SPATA13: variants seen among roughly 807,000 people sequenced by gnomAD.
SPATA13 encodes spermatogenesis-associated protein 13.
Under a neutral mutation model 104.0 loss-of-function variants are expected in SPATA13, and 50 were observed. The observed-to-expected ratio is 0.48, with a 90% CI of 0.38 to 0.61. The LOEUF (loss-of-function observed/expected upper bound fraction) is 0.61, where lower values mean the gene tolerates loss of function less well. SPATA13 is among the 20% of genes least tolerant of loss of function. SPATA13 has a pLI of 0.00. For missense variants in SPATA13, 1,524 were observed against 1,690.6 expected (o/e 0.90, Z 1.73); for synonymous variants, 606 against 667.5 (o/e 0.91, Z 1.42).
At chr13:24,109,731 G>A (rs9553179) in intron 3 of SPATA13, among the ~76,000 whole-genome samples, 101,483 of 151,726 alleles carry the variant, frequency 0.67, 34,324 homozygotes, top group East Asian at 0.8. Context: ...TTGCCCCCCA[G>A]ATTACATGGA....
At chr13:24,246,625 T>C (rs1473605107) in intron 2 of SPATA13, among the ~76,000 whole-genome samples, 1 of 152,150 alleles carries the variant, frequency 6.6e-6, no homozygotes, top group Non-Finnish European at 1.5e-5. Context: ...TTTGGGAAGC[T>C]GCAGTGGGTG....
chr13:24,099,202 A>G (rs1259892637), intron 3 of SPATA13, among the ~76,000 whole-genome samples: 1 of 152,228 alleles, frequency 6.6e-6, no homozygotes, highest in Admixed American at 6.5e-5. Flanking sequence ...GCATGCATTT[A>G]TCCTGCTTTA....
At chr13:24,134,696 G>A (rs1881500754) in intron 3 of SPATA13, among the ~76,000 whole-genome samples, 1 of 152,136 alleles carries the variant, frequency 6.6e-6, no homozygotes, top group East Asian at 1.9e-4. Flanking sequence ...GTGACCCACT[G>A]TTCCAGCCCT....
chr13:23,989,473 C>G (rs933885849), intron 2 of SPATA13, among the ~76,000 whole-genome samples: 8 of 151,536 alleles, frequency 5.3e-5, no homozygotes, highest in Non-Finnish European at 8.8e-5. Flanking sequence ...AATACATAAA[C>G]GTAAGTAGCT....
At chr13:24,020,926 C>T (rs2137699847) in intron 3 of SPATA13, among the ~76,000 whole-genome samples, 1 of 152,250 alleles carries the variant, frequency 6.6e-6, no homozygotes, top group Admixed American at 6.5e-5. Flanking sequence ...CCTATAATCC[C>T]AGCTACTCAG....
intron 2 of SPATA13, among the ~76,000 whole-genome samples, chr13:24,014,489 T>G (rs1876620564): frequency 6.6e-6 from 1 of 152,238 alleles, no homozygotes; most frequent in Non-Finnish European, 1.5e-5. Context: ...ACACATATTT[T>G]GCATGTTATA....
chr13:24,118,931 A>T (rs1387951899), intron 3 of SPATA13, among the ~76,000 whole-genome samples: 1 of 109,422 alleles, frequency 9.1e-6, no homozygotes, highest in Non-Finnish European at 2.1e-5. Flanking sequence ...TTTGAGATGG[A>T]GTCTTGTTCT....
At chr13:24,193,508 C>T (rs1047489911) in intron 1 of SPATA13, among the ~76,000 whole-genome samples, 1 of 152,022 alleles carries the variant, frequency 6.6e-6, no homozygotes, top group Non-Finnish European at 1.5e-5. Context: ...CACCTGGAGC[C>T]GAGAATGGGT....
chr13:24,153,164 G>A (rs1212218626), intron 3 of SPATA13, among the ~76,000 whole-genome samples: 9 of 152,264 alleles, frequency 5.9e-5, no homozygotes, highest in African/African-American at 1.7e-4. Context: ...TAAACATTAC[G>A]TCCACATACA....
chr13:24,306,655 A>C lies in SPATA13; in HGVS notation c.*3882A>C, dbSNP rs982393677. 5.9e-5 allele frequency: 9 copies of C among 152,264 alleles called. No homozygotes were observed. The highest frequency in any genetic ancestry group is 2.2e-4 in the African/African-American group (9 of 41,478). 9.4% of individuals were successfully genotyped at this position (152,264 alleles called of 1,614,324 possible). A position where few individuals can be genotyped will look rare whatever the true frequency, so the allele number is the denominator to read the frequency against. ...CTTGAAAAAAAAAGCAAAAGCTTAA[A>C]TATTTGATACAAGTTTACTTAGCTA... On this transcript the variant is annotated 3_prime_UTR_variant, in exon 13 of 13. Coordinates refer to ENST00000382108, the MANE Select transcript of SPATA13 (RefSeq NM_001166271.3).
chr13:24,141,821 C>T (rs1225575938), intron 3 of SPATA13, among the ~76,000 whole-genome samples: 1 of 152,106 alleles, frequency 6.6e-6, no homozygotes, highest in African/African-American at 2.4e-5. Flanking sequence ...TCATGCATCA[C>T]TTCAAGGGTA....
intron 3 of SPATA13, among the ~76,000 whole-genome samples, 183 bp downstream of exon 3, chr13:24,250,025 C>T (rs549852682): frequency 5.4e-4 from 82 of 152,310 alleles, no homozygotes; most frequent in African/African-American, 1.8e-3. Context: ...AACCACCTGA[C>T]GTTTGGATGC....
intron 1 of SPATA13, among the ~76,000 whole-genome samples, chr13:24,183,188 A>T (rs577165215): frequency 1.3e-5 from 2 of 152,332 alleles, no homozygotes; most frequent in African/African-American, 4.8e-5. Context: ...TTTTGTTTGC[A>T]TGTTGAGGTG....
intron 2 of SPATA13, among the ~76,000 whole-genome samples, chr13:24,006,872 T>C (rs2137680582): frequency 6.6e-6 from 1 of 152,332 alleles, no homozygotes; most frequent in African/African-American, 2.4e-5. Flanking sequence ...GGGGAGAGGA[T>C]GCCCCCGCTC....
chr13:24,035,539 G>T lies in SPATA13; in HGVS notation c.-112+17838G>T, dbSNP rs556213665. On this transcript the variant is annotated intron_variant, in intron 3 of 14. Transcript: ENST00000424834. ...AGGAGCTTTACAGGCCACAAGGACA[G>T]GTTGGTTTTCTGGGTTCCTGGGCAC... 5.3e-5 allele frequency among the ~76,000 whole-genome samples: 8 copies of T among 152,312 alleles called. No homozygotes were observed. In the South Asian group the frequency reaches 1.7e-3, roughly 32 times the overall value.
At chr13:24,126,961 C>T (rs948704979) in intron 3 of SPATA13, among the ~76,000 whole-genome samples, 2 of 152,094 alleles carry the variant, frequency 1.3e-5, no homozygotes, top group Non-Finnish European at 2.9e-5. Flanking sequence ...TGAAATCAAA[C>T]AAAAATGGGT....
intron 3 of SPATA13, among the ~76,000 whole-genome samples, chr13:24,089,309 C>G (rs1228232141): frequency 2.0e-5 from 3 of 152,092 alleles, no homozygotes; most frequent in Non-Finnish European, 4.4e-5. Context: ...TGCATGGGAC[C>G]CCCCCACACA....
At chr13:24,149,777 C>T (rs1015311789) in intron 3 of SPATA13, among the ~76,000 whole-genome samples, 1 of 152,176 alleles carries the variant, frequency 6.6e-6, no homozygotes, top group South Asian at 2.1e-4. Flanking sequence ...TGGAGAGCTG[C>T]GGGTCAGGTT....
At chr13:24,068,160 C>A (rs1389023011) in intron 3 of SPATA13, among the ~76,000 whole-genome samples, 1 of 152,088 alleles carries the variant, frequency 6.6e-6, no homozygotes, top group Non-Finnish European at 1.5e-5. Context: ...TTGCCTCTCA[C>A]CCTCCACTCT....
Sources: gnomAD v4.1 joint callset for allele counts (sites outside exome capture counted in the v4.1 genomes callset) on GRCh38, gnomAD v4.1.1 for gene constraint, MANE v1.5 for transcripts, NCBI Gene and HGNC (gene_info 2026-07-23, HGNC 2026-07-21) for gene names.